ZSWIM6: variants seen among roughly 807,000 people sequenced by gnomAD.
The protein encoded by ZSWIM6 is zinc finger SWIM-type containing 6, also known as zinc finger SWIM domain-containing protein 6.
In ZSWIM6, 9 loss-of-function variants were observed where a neutral mutation model predicts 113.2. The ratio of observed to expected loss-of-function variants is 0.08; its 90% confidence interval spans 0.05 to 0.14. The LOEUF is 0.14. Among genes scored for constraint, ZSWIM6 ranks in the 10% least tolerant of loss-of-function variants. The pLI is 1.00. For synonymous variants in ZSWIM6, 611 were observed against 606.5 expected, an observed-to-expected ratio of 1.01 and a Z score of -0.11; for missense variants, 1,162 against 1,552.2, an observed-to-expected ratio of 0.75 and a Z score of 4.22.
At chr5:61,463,519 A>G (rs1273518176) in intron 1 of ZSWIM6, among the ~76,000 whole-genome samples, 2 of 152,200 alleles carry the variant, frequency 1.3e-5, no homozygotes, top group Admixed American at 6.5e-5. Context: ...GGGTCCAGCA[A>G]TCTTTGTTAT....
chr5:61,400,576 A>T (rs2112102653), intron 1 of ZSWIM6, among the ~76,000 whole-genome samples: 1 of 152,310 alleles, frequency 6.6e-6, no homozygotes, highest in South Asian at 2.1e-4. Context: ...ACATGGATTG[A>T]TTGCTCATCA....
At chr5:61,489,842 A>G (rs1467839445) in intron 2 of ZSWIM6, among the ~76,000 whole-genome samples, 1 of 152,016 alleles carries the variant, frequency 6.6e-6, no homozygotes, top group Non-Finnish European at 1.5e-5. Flanking sequence ...GCCTTCCTCT[A>G]CTAGGGACTA....
chr5:61,451,421 C>A (rs1747085313), intron 1 of ZSWIM6, among the ~76,000 whole-genome samples: 1 of 151,996 alleles, frequency 6.6e-6, no homozygotes. Flanking sequence ...TAACTTGGGG[C>A]TTTTGAAGAC....
intron 1 of ZSWIM6, among the ~76,000 whole-genome samples, chr5:61,413,830 A>G (rs1215570424): frequency 2.0e-5 from 3 of 150,876 alleles, no homozygotes; most frequent in African/African-American, 7.3e-5. Flanking sequence ...TCTTTTGAGA[A>G]GTATCTGTTC....
chr5:61,539,453 A>T, intron 11 of ZSWIM6, 143 bp from the exon 12 acceptor site: 1 of 948,182 alleles, frequency 1.1e-6, no homozygotes, highest in Non-Finnish European at 1.5e-6. Flanking sequence ...TGAACATGTT[A>T]GGTAAATTAA....
intron 5 of ZSWIM6, among the ~76,000 whole-genome samples, chr5:61,523,879 A>G (rs897506480): frequency 6.6e-6 from 1 of 152,152 alleles, no homozygotes; most frequent in African/African-American, 2.4e-5. Context: ...ATTTCTCTAC[A>G]CTTATATAGT....
chr5:61,364,239 C>T (rs1030163624), intron 1 of ZSWIM6, among the ~76,000 whole-genome samples: 40 of 151,964 alleles, frequency 2.6e-4, no homozygotes, highest in Admixed American at 2.6e-3. Flanking sequence ...AACATAATAG[C>T]ATACTCCATC....
At chr5:61,379,018 A>G (rs1745426192) in intron 1 of ZSWIM6, among the ~76,000 whole-genome samples, 2 of 151,914 alleles carry the variant, frequency 1.3e-5, no homozygotes, top group Non-Finnish European at 2.9e-5. Flanking sequence ...TGTCTCTACA[A>G]GAAGATAAAA....
At chr5:61,510,079 AC>A (rs1748737504) in intron 4 of ZSWIM6, among the ~76,000 whole-genome samples, 1 of 151,950 alleles carries the variant, frequency 6.6e-6, no homozygotes. Context: ...AAATGAGGGA[AC>A]TGCCACCACC....
At chr5:61,370,083 A>AT (rs994421566) in intron 1 of ZSWIM6, among the ~76,000 whole-genome samples, 2 of 152,320 alleles carry the variant, frequency 1.3e-5, no homozygotes, top group East Asian at 1.9e-4. Context: ...GATCATAACC[A>AT]TTTTTTCTTT....
At position 61,403,853 on chromosome 5, in the gene ZSWIM6, C is replaced by T. The variant is rs930033207; in HGVS notation, c.677-68828C>T. Reference sequence around the variant, plus strand: ...CTTGATAATTAAGTGATGTTTTTGACAGTGAGGAAATTAAATTATGTGGGA... The same window carrying T: ...CTTGATAATTAAGTGATGTTTTTGATAGTGAGGAAATTAAATTATGTGGGA... On this transcript the variant is annotated intron_variant, in intron 1 of 13. Coordinates refer to ENST00000252744, the MANE Select transcript of ZSWIM6 (RefSeq NM_020928.2). Among the ~76,000 whole-genome samples, 3 of 152,094 alleles carry T rather than the reference C, an allele frequency of 2.0e-5. No individual in the cohort carries two copies. In the East Asian group the frequency reaches 5.8e-4, roughly 29 times the overall value.
intron 1 of ZSWIM6, among the ~76,000 whole-genome samples, chr5:61,427,155 C>T (rs1346174314): frequency 6.6e-6 from 1 of 152,138 alleles, no homozygotes; most frequent in South Asian, 2.1e-4. Flanking sequence ...ATTAAATAGC[C>T]TACATTTTAA....
At chr5:61,385,480 C>G (rs1039806950) in intron 1 of ZSWIM6, among the ~76,000 whole-genome samples, 1 of 152,122 alleles carries the variant, frequency 6.6e-6, no homozygotes, top group African/African-American at 2.4e-5. Context: ...GTAGTTAGAC[C>G]TGAGTTTAGA....
At chr5:61,432,655 A>G (rs771865625) in intron 1 of ZSWIM6, among the ~76,000 whole-genome samples, 7 of 152,216 alleles carry the variant, frequency 4.6e-5, no homozygotes, top group Non-Finnish European at 8.8e-5. Flanking sequence ...TGAGGCACCT[A>G]TGAGATAATA....
chr5:61,342,918 G>T (rs1421512223), intron 1 of ZSWIM6, among the ~76,000 whole-genome samples: 1 of 152,030 alleles, frequency 6.6e-6, no homozygotes, highest in Non-Finnish European at 1.5e-5. Flanking sequence ...TGTCTTTTAG[G>T]AATGAATTTC....
intron 1 of ZSWIM6, among the ~76,000 whole-genome samples, chr5:61,464,574 G>A (rs1747394634): frequency 6.6e-6 from 1 of 152,092 alleles, no homozygotes; most frequent in African/African-American, 2.4e-5. Flanking sequence ...GGAATGGTTA[G>A]CGCCAAAATG....
intron 1 of ZSWIM6, among the ~76,000 whole-genome samples, chr5:61,387,063 C>G (rs953236269): frequency 2.5e-4 from 38 of 152,042 alleles, no homozygotes; most frequent in African/African-American, 8.9e-4. Flanking sequence ...AGGACTTGTT[C>G]TGATTATTGA....
intron 4 of ZSWIM6, among the ~76,000 whole-genome samples, chr5:61,498,663 G>T (rs1035736887): frequency 6.6e-6 from 1 of 152,066 alleles, no homozygotes; most frequent in African/African-American, 2.4e-5. Flanking sequence ...TATATTTTTT[G>T]AATTAACCTG....
rs926204027 is a variant in ZSWIM6 at position 61,371,475 on chromosome 5, C to T, written c.676+38527C>T. 5.9e-5 allele frequency among the ~76,000 whole-genome samples: 9 copies of T among 152,108 alleles called. No individual in the cohort carries two copies. In the South Asian group the frequency reaches 6.2e-4, roughly 10 times the overall value. On this transcript the variant is annotated intron_variant, in intron 1 of 13. Transcript: ENST00000252744. ...ATTGCTTTTATTTTAAAGAGAAGCA[C>T]GTCAGAATTTTATTAGGCATATTAG...
Sources: allele counts gnomAD v4.1 joint callset (sites outside exome capture counted in the v4.1 genomes callset), GRCh38; gene constraint gnomAD v4.1.1; transcripts MANE v1.5; gene names NCBI Gene and HGNC (gene_info 2026-07-23, HGNC 2026-07-21).